SCOC: variants seen among roughly 807,000 people sequenced by gnomAD.
The protein encoded by SCOC is short coiled coil protein.
A neutral mutation model predicts 9.9 loss-of-function variants in SCOC; 7 were observed. The ratio of observed to expected loss-of-function variants is 0.71; its 90% confidence interval spans 0.40 to 1.33. The LOEUF (loss-of-function observed/expected upper bound fraction) is 1.33. Ranked by LOEUF, SCOC falls within the 40% of genes most tolerant of loss-of-function variation. SCOC has a pLI of 0.01. For synonymous variants in SCOC, 19 were observed against 28.2 expected (o/e 0.67, Z 1.03); for missense variants, 66 against 89.7 (o/e 0.74, Z 1.07).
rs1247068008 is a variant in SCOC, at chr4:140,384,085, T to C, written c.*2981T>C. On this transcript the variant is annotated 3_prime_UTR_variant, in exon 4 of 4. Coordinates refer to ENST00000608372, the MANE Select transcript of SCOC (RefSeq NM_001153484.2). ...AACAATTGGCTTAATTTCATGAGGT[T>C]CCTTGTATCAAAACTTTGTCTATTC... The C allele has an allele frequency of 6.6e-6, 1 of 152,220 alleles. No individual in the cohort carries two copies. Among genetic ancestry groups the C allele is most frequent in the African/African-American group, 2.4e-5 (1 of 41,458 alleles). 9.4% of individuals were successfully genotyped at this position (152,220 alleles called of 1,614,324 possible). A position where few individuals can be genotyped will look rare whatever the true frequency, so the allele number is the denominator to read the frequency against.
At position 140,362,303 on chromosome 4, in the gene SCOC, T is replaced by TCTTC. The variant is rs1253683051; in HGVS notation, c.71-16818_71-16817insCTTC. Among the ~76,000 whole-genome samples the TCTTC allele has an allele frequency of 5.7e-4, 25 of 44,246 alleles. 1 individual carries two copies. Among genetic ancestry groups the TCTTC allele is most frequent in the South Asian group, 1.5e-3 (2 of 1,294 alleles). 29.0% of individuals were successfully genotyped at this position (44,246 alleles called of 152,430 possible). A position where few individuals can be genotyped will look rare whatever the true frequency, so the allele number is the denominator to read the frequency against. On this transcript the variant is annotated intron_variant, in intron 2 of 4. Transcript: ENST00000338517. ...CTTCTTCTTCTTCTTCTTCTTCTTT[T>TCTTC]TTTTTTTTTTTTGTGAGAGTCTCGC...
chr4:140,304,055 CA>C (rs1731890926), intron 1 of SCOC, among the ~76,000 whole-genome samples: 1 of 152,148 alleles, frequency 6.6e-6, no homozygotes, highest in South Asian at 2.1e-4. Flanking sequence ...AGATGACACA[CA>C]TACAACTATC....
intron 2 of SCOC, among the ~76,000 whole-genome samples, chr4:140,358,626 C>T (rs1727333929): frequency 6.6e-6 from 1 of 152,176 alleles, no homozygotes. Flanking sequence ...GAATTAAATT[C>T]TTTCATTGCA....
At chr4:140,294,872 T>A (rs922358413) in intron 1 of SCOC, among the ~76,000 whole-genome samples, 1 of 152,242 alleles carries the variant, frequency 6.6e-6, no homozygotes, top group African/African-American at 2.4e-5. Context: ...CTGGCTCTTA[T>A]AACTATTTCT....
At chr4:140,275,834 T>C (rs967245465) in intron 1 of SCOC, among the ~76,000 whole-genome samples, 72 of 149,854 alleles carry the variant, frequency 4.8e-4, no homozygotes, top group Non-Finnish European at 9.2e-4. Flanking sequence ...TTTTTTTTTT[T>C]TTTTTTTGAG....
At chr4:140,337,619 A>G (rs1732993128) in intron 1 of SCOC, among the ~76,000 whole-genome samples, 1 of 152,198 alleles carries the variant, frequency 6.6e-6, no homozygotes, top group African/African-American at 2.4e-5. Context: ...TAAAGGGGAT[A>G]TCACCACCGA....
intron 1 of SCOC, among the ~76,000 whole-genome samples, chr4:140,377,478 G>C (rs569980742): frequency 1.3e-3 from 205 of 152,188 alleles, no homozygotes; most frequent in African/African-American, 4.7e-3. Context: ...ACTTGGAGTA[G>C]GTTTATTCAG....
chr4:140,257,362 G>GA, exon 1 of SCOC: 1 of 152,162 alleles, frequency 6.6e-6, no homozygotes, highest in Non-Finnish European at 1.5e-5. Context: ...ATCTGAAGCT[G>GA]AGCAAATTTA....
chr4:140,332,756 G>A (rs12509386), intron 1 of SCOC, among the ~76,000 whole-genome samples: 29,671 of 151,970 alleles, frequency 0.2, 3,732 homozygotes, highest in African/African-American at 0.35. Flanking sequence ...ATCTGTCCAG[G>A]ATTTGACTAC....
At position 140,384,448 on chromosome 4, in the gene SCOC, A is replaced by T. The variant is rs543462317; in HGVS notation, c.*3344A>T. The T allele has an allele frequency of 3.5e-4, 54 of 152,236 alleles. No homozygotes were observed. Among genetic ancestry groups the T allele is most frequent in the African/African-American group, 1.2e-3 (48 of 41,536 alleles). 9.4% of individuals were successfully genotyped at this position (152,236 alleles called of 1,614,324 possible). A position where few individuals can be genotyped will look rare whatever the true frequency, so the allele number is the denominator to read the frequency against. On this transcript the variant is annotated 3_prime_UTR_variant, in exon 4 of 4. Coordinates refer to ENST00000608372, the MANE Select transcript of SCOC (RefSeq NM_001153484.2). ...TCCAGTTTTAGCAAAAATCCTGCTA[A>T]ATGAGTTTAGAGATAATCCCATCCT...
intron 1 of SCOC, among the ~76,000 whole-genome samples, chr4:140,320,263 C>G (rs1029381320): frequency 6.6e-6 from 1 of 152,214 alleles, no homozygotes; most frequent in African/African-American, 2.4e-5. Context: ...AATGCCATGA[C>G]AACCTCAGGA....
In SCOC at chr4:140,334,253, T is replaced by G. The variant is rs182964133; in HGVS notation, c.-18-9368T>G. Among the ~76,000 whole-genome samples the G allele has an allele frequency of 2.6e-5, 4 of 152,330 alleles. No homozygotes were observed. In the East Asian group the frequency reaches 7.7e-4, roughly 29 times the overall value. On this transcript the variant is annotated intron_variant, in intron 1 of 4. Transcript: ENST00000394205. ...TCTGCCTACCTAAATAAGCATATTATGAATGTCATGCTTCATTATTGCTGA... is the reference window on the plus strand; with the variant it reads ...TCTGCCTACCTAAATAAGCATATTAGGAATGTCATGCTTCATTATTGCTGA...
In SCOC at chr4:140,366,960, C is replaced by T. The variant is rs367721471; in HGVS notation, c.71-12161C>T. 6.2e-4 allele frequency: 300 copies of T among 483,826 alleles called. 6 individuals are homozygous for T. In the East Asian group the frequency reaches 0.01, roughly 16 times the overall value. 30.0% of individuals were successfully genotyped at this position (483,826 alleles called of 1,614,324 possible). A position where few individuals can be genotyped will look rare whatever the true frequency, so the allele number is the denominator to read the frequency against. ...GTGGCTCACGCATGTAATCCCAGCA[C>T]TTTGGGAGGCCCAGGTGGGTGGATC... On this transcript the variant is annotated intron_variant, in intron 2 of 4. Transcript: ENST00000338517.
At chr4:140,375,148 T>A (rs1728287097) in intron 1 of SCOC, among the ~76,000 whole-genome samples, 1 of 152,222 alleles carries the variant, frequency 6.6e-6, no homozygotes, top group Admixed American at 6.5e-5. Context: ...GCCCTGTTGC[T>A]AACTACTTCT....
intron 1 of SCOC, among the ~76,000 whole-genome samples, chr4:140,293,900 G>T (rs1211657539): frequency 6.6e-6 from 1 of 152,188 alleles, no homozygotes; most frequent in African/African-American, 2.4e-5. Flanking sequence ...GAAAGTAAGG[G>T]GAAGTTGTCC....
intron 1 of SCOC, chr4:140,284,801 A>G (rs1420080804): frequency 6.6e-6 from 1 of 152,424 alleles, no homozygotes; most frequent in Non-Finnish European, 1.5e-5. Flanking sequence ...AAGATTGGGA[A>G]AAAGGGAGGA....
chr4:140,375,159 G>A (rs886403371), intron 1 of SCOC, among the ~76,000 whole-genome samples: 4 of 152,192 alleles, frequency 2.6e-5, no homozygotes, highest in African/African-American at 7.2e-5. Context: ...AACTACTTCT[G>A]TGGTCTTCAG....
chr4:140,343,415 TG>T, upstream of SCOC: 1 of 465,138 alleles, frequency 2.1e-6, no homozygotes, highest in Non-Finnish European at 3.9e-6. Context: ...GGTCAAGGGT[TG>T]TAAGTCATTA....
At chr4:140,343,561 C>T in intron 1 of SCOC, 3 of 1,060,486 alleles carry the variant, frequency 2.8e-6, no homozygotes, top group Non-Finnish European at 4.4e-6. Context: ...AATGATTTAA[C>T]AAGGGCGGTC....
Sources: gnomAD v4.1 joint callset for allele counts (sites outside exome capture counted in the v4.1 genomes callset) on GRCh38, gnomAD v4.1.1 for gene constraint, MANE v1.5 for transcripts, NCBI Gene and HGNC (gene_info 2026-07-23, HGNC 2026-07-21) for gene names.